The following NRXN3 variants were observed in gnomAD, a reference collection of about 807,000 sequenced individuals.
The protein encoded by NRXN3 is neurexin 3, also known as neurexin III.
In NRXN3, 32 loss-of-function variants were observed where a neutral mutation model predicts 137.6. The observed-to-expected ratio is 0.23, with a 90% CI of 0.18 to 0.31. The LOEUF is 0.31. Among genes scored for constraint, NRXN3 ranks in the 10% least tolerant of loss-of-function variants. NRXN3 has a pLI of 1.00. For synonymous variants in NRXN3, 798 were observed against 784.5 expected (o/e 1.02, Z -0.29); for missense variants, 1,574 against 2,062.5 (o/e 0.76, Z 4.59).
At chr14:78,505,340 A>G (rs1187097090) in intron 4 of NRXN3, among the ~76,000 whole-genome samples, 1 of 152,120 alleles carries the variant, frequency 6.6e-6, no homozygotes, top group Non-Finnish European at 1.5e-5. Context: ...TTCTTTTTTA[A>G]TCTTATTGAA....
chr14:78,435,719 A>G (rs2094041440), intron 4 of NRXN3, among the ~76,000 whole-genome samples: 1 of 152,186 alleles, frequency 6.6e-6, no homozygotes, highest in Non-Finnish European at 1.5e-5. Flanking sequence ...CAGGCAAAGA[A>G]CAATGCAGAG....
At chr14:78,700,177 A>G in intron 6 of NRXN3, among the ~76,000 whole-genome samples, 1 of 152,190 alleles carries the variant, frequency 6.6e-6, no homozygotes, top group Non-Finnish European at 1.5e-5. Context: ...CATGGTCTAG[A>G]GCTAAAGATA....
At chr14:78,385,702 T>G (rs976480948) in intron 4 of NRXN3, among the ~76,000 whole-genome samples, 1 of 152,212 alleles carries the variant, frequency 6.6e-6, no homozygotes, top group Non-Finnish European at 1.5e-5. Context: ...GATGTTTAAA[T>G]CAGTAATAGA....
chr14:79,655,401 G>T (rs979159994), intron 16 of NRXN3, among the ~76,000 whole-genome samples: 3 of 152,178 alleles, frequency 2.0e-5, no homozygotes, highest in African/African-American at 7.2e-5. Flanking sequence ...CTCTCCTTGT[G>T]TTCTGTTTGC....
At chr14:79,032,096 T>A (rs2099609177) in intron 15 of NRXN3, among the ~76,000 whole-genome samples, 1 of 152,164 alleles carries the variant, frequency 6.6e-6, no homozygotes, top group East Asian at 1.9e-4. Flanking sequence ...TTTCATCAGT[T>A]CCCTGTCTGA....
At position 78,999,218 on chromosome 14, in the gene NRXN3, A is replaced by G. The variant is rs143941556; in HGVS notation, c.3262+11077A>G. ...TATGATTTTGCTACATGCCTACGGA[A>G]GAAATGAAGGAACCTTGCATTATTG... On this transcript the variant is annotated intron_variant, in intron 15 of 20. Transcript: ENST00000335750. Among the ~76,000 whole-genome samples, 577 of 152,286 alleles carry G rather than the reference A, an allele frequency of 3.8e-3. 3 individuals carry two copies. Among genetic ancestry groups the G allele is most frequent in the African/African-American group, 0.013 (552 of 41,566 alleles).
chr14:79,782,430 G>T (rs1353307048), intron 19 of NRXN3, among the ~76,000 whole-genome samples: 2 of 152,156 alleles, frequency 1.3e-5, no homozygotes, highest in Admixed American at 1.3e-4. Context: ...TATATAAAGA[G>T]TATTCTGAGA....
chr14:79,320,415 G>T (rs144384698), intron 15 of NRXN3, among the ~76,000 whole-genome samples: 22 of 152,244 alleles, frequency 1.4e-4, no homozygotes, highest in African/African-American at 4.6e-4. Context: ...TGCAATCTCC[G>T]CATTGTTAAT....
chr14:78,977,524 G>T (rs896354444), intron 14 of NRXN3, among the ~76,000 whole-genome samples: 21 of 152,070 alleles, frequency 1.4e-4, no homozygotes, highest in African/African-American at 4.8e-4. Context: ...ACTTATGAGG[G>T]ATTGTGTATC....
intron 15 of NRXN3, among the ~76,000 whole-genome samples, chr14:79,194,123 T>C (rs890698055): frequency 6.6e-6 from 1 of 152,228 alleles, no homozygotes; most frequent in African/African-American, 2.4e-5. Context: ...AAATAGAAAC[T>C]TTTAAGGAGA....
intron 15 of NRXN3, among the ~76,000 whole-genome samples, chr14:79,091,027 A>C (rs1375773379): frequency 6.6e-6 from 1 of 152,042 alleles, no homozygotes; most frequent in East Asian, 1.9e-4. Context: ...CTCGTGCCCA[A>C]ATTCCTTTTC....
chr14:79,100,401 C>G (rs1446499246), intron 15 of NRXN3, among the ~76,000 whole-genome samples: 1 of 152,196 alleles, frequency 6.6e-6, no homozygotes, highest in Non-Finnish European at 1.5e-5. Flanking sequence ...ACTTATACTT[C>G]TCTAGCTTTG....
At chr14:79,476,417 C>G (rs1390217810) in intron 16 of NRXN3, among the ~76,000 whole-genome samples, 1 of 152,098 alleles carries the variant, frequency 6.6e-6, no homozygotes. Context: ...TTAGATAGGC[C>G]CTGTTGATAC....
intron 14 of NRXN3, among the ~76,000 whole-genome samples, chr14:78,986,892 G>T (rs948525038): frequency 6.6e-6 from 1 of 151,616 alleles, no homozygotes; most frequent in African/African-American, 2.4e-5. Flanking sequence ...GTGTAGTGGC[G>T]TGTGCCTGTA....
chr14:79,743,161 A>G (rs1434233198), intron 19 of NRXN3, among the ~76,000 whole-genome samples: 1 of 152,138 alleles, frequency 6.6e-6, no homozygotes. Context: ...CATATTTTCT[A>G]TAATAAAGGT....
In NRXN3 at chr14:79,460,386, C is replaced by A. The variant is rs971233550; in HGVS notation, c.3263-6835C>A. On this transcript the variant is annotated intron_variant, in intron 15 of 20. Transcript: ENST00000335750. Reference sequence around the variant, plus strand: ...ACCACCAGAATTAAGTAGTGGTAGACTTTTTTTTATTCATGGAAAACATTT... The same window carrying A: ...ACCACCAGAATTAAGTAGTGGTAGAATTTTTTTTATTCATGGAAAACATTT... Among the ~76,000 whole-genome samples, 5 of 151,970 alleles carry A rather than the reference C, an allele frequency of 3.3e-5. No individual in the cohort carries two copies. In the East Asian group the frequency reaches 9.7e-4, roughly 29 times the overall value.
At chr14:78,698,265 A>G (rs1175542228) in intron 6 of NRXN3, 1 of 152,012 alleles carries the variant, frequency 6.6e-6, no homozygotes, top group Non-Finnish European at 1.5e-5. Context: ...ATTGTTTCCA[A>G]CCAACTATGC....
At chr14:79,717,753 G>T (rs938092523) in intron 19 of NRXN3, among the ~76,000 whole-genome samples, 1 of 152,122 alleles carries the variant, frequency 6.6e-6, no homozygotes, top group African/African-American at 2.4e-5. Flanking sequence ...TTCCACTATG[G>T]CTTACTGATA....
intron 15 of NRXN3, among the ~76,000 whole-genome samples, chr14:79,017,200 C>A (rs746103614): frequency 7.9e-4 from 115 of 145,614 alleles, no homozygotes; most frequent in Non-Finnish European, 1.4e-3. Flanking sequence ...TGACCACTGC[C>A]CTCCTTGTGC....
Sources: gnomAD v4.1 joint callset for allele counts (sites outside exome capture counted in the v4.1 genomes callset) on GRCh38, gnomAD v4.1.1 for gene constraint, MANE v1.5 for transcripts, NCBI Gene and HGNC (gene_info 2026-07-23, HGNC 2026-07-21) for gene names.